Variants in ATP2B2 observed in about 807,000 individuals in gnomAD.
ATP2B2 encodes ATPase plasma membrane Ca2+ transporting 2.
Under a neutral mutation model 120.0 loss-of-function variants are expected in ATP2B2, and 15 were observed. That is an observed-to-expected ratio of 0.12 (90% CI 0.08 to 0.19). The LOEUF (loss-of-function observed/expected upper bound fraction) is 0.19, where lower values mean the gene tolerates loss of function less well. ATP2B2 is among the 10% of genes least tolerant of loss of function. ATP2B2 has a pLI of 1.00. For synonymous variants in ATP2B2, 694 were observed against 700.3 expected (o/e 0.99, Z 0.14); for missense variants, 1,045 against 1,719.8 (o/e 0.61, Z 6.94).
chr3:10,360,160 G>T (rs747869361), intron 12 of ATP2B2, 37 bp from the exon 13 acceptor site: 55 of 1,549,360 alleles, frequency 3.5e-5, no homozygotes, highest in Non-Finnish European at 4.5e-5. Flanking sequence ...CACCTGGTGG[G>T]GCCTGTGTCG....
At chr3:10,487,592 G>A (rs1040325167) in intron 1 of ATP2B2, among the ~76,000 whole-genome samples, 4 of 152,234 alleles carry the variant, frequency 2.6e-5, no homozygotes, top group Non-Finnish European at 5.9e-5. Flanking sequence ...GGCAGGGACT[G>A]TGTCTGGTTT....
At chr3:10,539,739 T>C (rs911747226) in intron 2 of ATP2B2, among the ~76,000 whole-genome samples, 3 of 152,176 alleles carry the variant, frequency 2.0e-5, no homozygotes, top group Admixed American at 6.5e-5. Flanking sequence ...AATACTTAAA[T>C]GTTAGACCTA....
intron 22 of ATP2B2, chr3:10,336,395 C>A: frequency 1.7e-6 from 2 of 1,211,902 alleles, no homozygotes; most frequent in Non-Finnish European, 2.3e-6. Flanking sequence ...GCCGCAGCCA[C>A]GGCAACAACG....
chr3:10,608,845 C>G (rs1053115812), intron 2 of ATP2B2, among the ~76,000 whole-genome samples: 1 of 152,170 alleles, frequency 6.6e-6, no homozygotes, highest in Non-Finnish European at 1.5e-5. Flanking sequence ...TGGGGAGAGG[C>G]CTATTTCAGT....
intron 2 of ATP2B2, among the ~76,000 whole-genome samples, chr3:10,597,304 C>T (rs988489460): frequency 1.3e-5 from 2 of 150,508 alleles, no homozygotes; most frequent in Admixed American, 6.6e-5. Context: ...CAGGCACAGA[C>T]ACACAGACAC....
At chr3:10,442,555 T>C (rs761452958) in intron 2 of ATP2B2, among the ~76,000 whole-genome samples, 14 of 152,218 alleles carry the variant, frequency 9.2e-5, no homozygotes, top group Non-Finnish European at 1.9e-4. Flanking sequence ...CATCCACACA[T>C]GATTCATTGG....
chr3:10,676,150 A>C (rs2071236890), intron 1 of ATP2B2, among the ~76,000 whole-genome samples: 1 of 152,200 alleles, frequency 6.6e-6, no homozygotes, highest in Non-Finnish European at 1.5e-5. Context: ...ATGAAGAAGG[A>C]AGAAAGGAAG....
rs1187733382 is a variant in ATP2B2 at position 10,338,165 on chromosome 3, G to A, written c.3420+11C>T. ...CCAGGCCTGGGCCCAGCCCCCAAGA[G>A]CCTCCTGTACCTGTGTCTGGATCCG... On this transcript the variant is annotated intron_variant, in intron 22 of 22. Transcript: ENST00000360273. 7 of 1,613,614 alleles carry A rather than the reference G, an allele frequency of 4.3e-6. No individual in the cohort carries two copies. The highest frequency in any genetic ancestry group is 5.9e-6 in the Non-Finnish European group (7 of 1,180,008).
At chr3:10,546,313 C>T (rs1443386837) in intron 2 of ATP2B2, among the ~76,000 whole-genome samples, 1 of 152,164 alleles carries the variant, frequency 6.6e-6, no homozygotes, top group Non-Finnish European at 1.5e-5. Flanking sequence ...AGAACCCTCT[C>T]CCCATATCCA....
intron 1 of ATP2B2, among the ~76,000 whole-genome samples, chr3:10,659,580 C>T (rs1344964887): frequency 6.6e-6 from 1 of 152,138 alleles, no homozygotes; most frequent in African/African-American, 2.4e-5. Flanking sequence ...TACAGGAGCA[C>T]CCAGATTCAT....
intron 2 of ATP2B2, among the ~76,000 whole-genome samples, chr3:10,563,491 A>C (rs540731915): frequency 6.6e-6 from 1 of 152,286 alleles, no homozygotes; most frequent in East Asian, 1.9e-4. Context: ...ATGGTCAGGC[A>C]TTGTTGGTTT....
chr3:10,342,945 C>CGTCACGGTG lies in ATP2B2; in HGVS notation c.2723_2724insCACCGTGAC (p.Val908_Gln909insThrValThr), dbSNP rs1559534811. The CGTCACGGTG allele has an allele frequency of 6.2e-7, 1 of 1,613,900 alleles. No individual in the cohort carries two copies. Among genetic ancestry groups the CGTCACGGTG allele is most frequent in the Non-Finnish European group, 8.5e-7 (1 of 1,179,996 alleles). Reference sequence around the variant, plus strand: ...TGATGAGGTTCACCCAGAGCATCTGCACGGCCTTCAGAGGGGAGTCCTGGG... The same window carrying CGTCACGGTG: ...TGATGAGGTTCACCCAGAGCATCTGCGTCACGGTGACGGCCTTCAGAGGGGAGTCCTGGG... On this transcript the variant is annotated inframe_insertion, in exon 19 of 23. Transcript: ENST00000360273. This position sits in a 1 kb window ranked among gnomAD's most constrained non-coding sequence, Gnocchi z 4.4.
chr3:10,580,537 T>C (rs926714419), intron 2 of ATP2B2, among the ~76,000 whole-genome samples: 1 of 152,172 alleles, frequency 6.6e-6, no homozygotes, highest in Non-Finnish European at 1.5e-5. Flanking sequence ...CTTCCCACGA[T>C]ACCCCTGCAA....
intron 2 of ATP2B2, among the ~76,000 whole-genome samples, chr3:10,567,033 C>T (rs2068024747): frequency 6.6e-6 from 1 of 152,182 alleles, no homozygotes; most frequent in Admixed American, 6.5e-5. Context: ...TGTGCCCTGC[C>T]ACTGTGACAG....
chr3:10,623,562 T>G (rs1362229103), intron 1 of ATP2B2, among the ~76,000 whole-genome samples: 1 of 152,082 alleles, frequency 6.6e-6, no homozygotes, highest in South Asian at 2.1e-4. Context: ...AAGATGAAAA[T>G]ACACCTCCAA....
At chr3:10,544,419 G>A (rs1041486859) in intron 2 of ATP2B2, among the ~76,000 whole-genome samples, 1 of 152,236 alleles carries the variant, frequency 6.6e-6, no homozygotes, top group African/African-American at 2.4e-5. Flanking sequence ...TATTTGTGGG[G>A]AAGGTCATTA....
At chr3:10,485,246 T>C (rs917164006) in intron 1 of ATP2B2, among the ~76,000 whole-genome samples, 5 of 152,246 alleles carry the variant, frequency 3.3e-5, no homozygotes, top group Non-Finnish European at 7.3e-5. Flanking sequence ...TCTGTGGTTT[T>C]CTCATTGAAG....
At chr3:10,519,821 C>T (rs1468741380) in intron 3 of ATP2B2, among the ~76,000 whole-genome samples, 1 of 152,224 alleles carries the variant, frequency 6.6e-6, no homozygotes, top group Non-Finnish European at 1.5e-5. Context: ...AGAACTCACT[C>T]CACTCTCTGT....
chr3:10,379,329 C>A (rs771156186), intron 8 of ATP2B2, 45 bp from the exon 9 acceptor site: 1 of 1,600,282 alleles, frequency 6.2e-7, no homozygotes, highest in East Asian at 2.2e-5. Context: ...ACAGACAACA[C>A]ATGGTCGGTC....
Sources: gnomAD v4.1 joint callset for allele counts (sites outside exome capture counted in the v4.1 genomes callset) on GRCh38, gnomAD v4.1.1 for gene constraint, Gnocchi (gnomAD v3.1) non-coding constraint, MANE v1.5 for transcripts, NCBI Gene and HGNC (gene_info 2026-07-23, HGNC 2026-07-21) for gene names.